Variants in SIPA1L1 observed in about 807,000 individuals in gnomAD.
The protein encoded by SIPA1L1 is signal-induced proliferation-associated 1-like protein 1.
A neutral mutation model predicts 162.7 loss-of-function variants in SIPA1L1; 26 were observed. That is an observed-to-expected ratio of 0.16 (90% CI 0.12 to 0.22). The LOEUF is 0.22. Among genes scored for constraint, SIPA1L1 ranks in the 10% least tolerant of loss-of-function variants. The pLI is 1.00. For missense variants in SIPA1L1, 1,874 were observed against 2,241.0 expected, an observed-to-expected ratio of 0.84 and a Z score of 3.31; for synonymous variants, 829 against 837.4, an observed-to-expected ratio of 0.99 and a Z score of 0.17.
chr14:71,551,668 C>G (rs138843705), intron 4 of SIPA1L1, among the ~76,000 whole-genome samples: 1 of 152,322 alleles, frequency 6.6e-6, no homozygotes, highest in Non-Finnish European at 1.5e-5. Context: ...TCATGTTGCT[C>G]TTAAAGTCCA....
intron 2 of SIPA1L1, among the ~76,000 whole-genome samples, chr14:71,502,995 C>A (rs1204416267): frequency 6.6e-6 from 1 of 152,128 alleles, no homozygotes; most frequent in East Asian, 1.9e-4. Context: ...GCATGTCCCC[C>A]CTTGCTGTAG....
intron 7 of SIPA1L1, among the ~76,000 whole-genome samples, chr14:71,629,582 T>C (rs1159449736): frequency 1.3e-5 from 2 of 152,232 alleles, no homozygotes; most frequent in Non-Finnish European, 2.9e-5. Context: ...GGAATGGGTC[T>C]GGTTTATAAA....
chr14:71,505,578 T>C (rs1040553654), intron 2 of SIPA1L1, among the ~76,000 whole-genome samples: 1 of 152,258 alleles, frequency 6.6e-6, no homozygotes, highest in East Asian at 1.9e-4. Context: ...ATAATACTTA[T>C]TTGAACTTTG....
rs115186258 is a variant in SIPA1L1, at chr14:71,324,390, T to A, written c.-465+3209T>A. ...CCATATTTAATTGCACTCGTTTCTT[T>A]TCTTTTTTTCCTACCTTAGAGCCTG... On this transcript the variant is annotated intron_variant, in intron 2 of 23. Transcript: ENST00000381232. Among the ~76,000 whole-genome samples the A allele has an allele frequency of 5.1e-3, 781 of 152,366 alleles. 6 individuals carry two copies. Among genetic ancestry groups the A allele is most frequent in the African/African-American group, 0.018 (734 of 41,578 alleles).
chr14:71,618,964 T>TAAATTTAATAGCACATGGTTACAGC, intron 6 of SIPA1L1, 77 bp downstream of exon 6: 2 of 1,462,764 alleles, frequency 1.4e-6, no homozygotes, highest in Non-Finnish European at 1.9e-6. Context: ...GCAAAGCAAT[T>TAAATTTAATAGCACATGGTTACAGC]AAATTTAATA....
intron 13 of SIPA1L1, among the ~76,000 whole-genome samples, chr14:71,689,491 G>T (rs1036820291): frequency 6.6e-6 from 1 of 152,120 alleles, no homozygotes; most frequent in Non-Finnish European, 1.5e-5. Flanking sequence ...AAAATTGCTG[G>T]CTGTGGCACG....
chr14:71,480,408 A>G (rs1325460171), intron 2 of SIPA1L1, among the ~76,000 whole-genome samples: 1 of 150,852 alleles, frequency 6.6e-6, no homozygotes, highest in Non-Finnish European at 1.5e-5. Context: ...TTTTTCACAA[A>G]TTGCACACAT....
rs551557823 is a variant in SIPA1L1 at position 71,539,931 on chromosome 14, C to T, written c.-303+10561C>T. Among the ~76,000 whole-genome samples, 3 of 152,344 alleles carry T rather than the reference C, an allele frequency of 2.0e-5. No homozygotes were observed. In the South Asian group the frequency reaches 6.2e-4, roughly 32 times the overall value. ...GCAACACCCTAAGGGTGAAGAGAAG[C>T]TGCCTGCCTCTGTGCAAGACATTAT... On this transcript the variant is annotated intron_variant, in intron 4 of 23. Coordinates refer to ENST00000381232, the MANE Select transcript of SIPA1L1 (RefSeq NM_001386936.1).
At chr14:71,389,246 A>C (rs2040566618) in intron 2 of SIPA1L1, among the ~76,000 whole-genome samples, 1 of 152,220 alleles carries the variant, frequency 6.6e-6, no homozygotes, top group African/African-American at 2.4e-5. Flanking sequence ...TGGAGAGAAG[A>C]GGGACCAGTG....
At position 71,705,349 on chromosome 14, in the gene SIPA1L1, A is replaced by C. The variant is rs752973557; in HGVS notation, c.3765+9A>C. ...CAAACAAACAAGGGCATGTAAGTTA[A>C]CTGTAAACTTAAAAAAGTATTAGAT... is the stretch of plus-strand genomic sequence containing the variant. On this transcript the variant is annotated intron_variant, in intron 16 of 23. Coordinates refer to ENST00000381232, the MANE Select transcript of SIPA1L1 (RefSeq NM_001386936.1). 9 of 1,585,116 alleles carry C rather than the reference A, an allele frequency of 5.7e-6. No homozygotes were observed. The highest frequency in any genetic ancestry group is 7.8e-6 in the Non-Finnish European group (9 of 1,153,694).
At chr14:71,582,866 A>G (rs1260504867) in intron 4 of SIPA1L1, among the ~76,000 whole-genome samples, 1 of 152,202 alleles carries the variant, frequency 6.6e-6, no homozygotes, top group Non-Finnish European at 1.5e-5. Flanking sequence ...TGATTCATAA[A>G]TCTTAAATTA....
At position 71,687,580 on chromosome 14, in the gene SIPA1L1, A is replaced by T. The variant is rs1317912209; in HGVS notation, c.3374+1949A>T. Among the ~76,000 whole-genome samples the T allele has an allele frequency of 2.6e-5, 4 of 152,256 alleles. No individual in the cohort carries two copies. The East Asian group carries it at 7.7e-4, about 29-fold the overall frequency. On this transcript the variant is annotated intron_variant, in intron 13 of 23. Coordinates refer to ENST00000381232, the MANE Select transcript of SIPA1L1 (RefSeq NM_001386936.1). The stretch of plus-strand genomic sequence containing the variant: ...TGTTGAATTTAATTTCTGCAACAGA[A>T]ACTAAAGCTCCTTGCCAGTCATACT...
rs1262959124 is a variant in SIPA1L1, at chr14:71,665,755, G to A, written c.2255+4288G>A. On this transcript the variant is annotated intron_variant, in intron 10 of 23. Coordinates refer to ENST00000381232, the MANE Select transcript of SIPA1L1 (RefSeq NM_001386936.1). ...ATTCCAAGACCCCCAGAGGATGCCC[G>A]AAACCATGGATAGTGCCTACCCCTA... Among the ~76,000 whole-genome samples the A allele has an allele frequency of 3.3e-5, 5 of 152,092 alleles. No individual in the cohort carries two copies. The East Asian group carries it at 5.8e-4, about 18-fold the overall frequency.
At chr14:71,360,181 A>G (rs1327366043) in intron 2 of SIPA1L1, among the ~76,000 whole-genome samples, 1 of 152,250 alleles carries the variant, frequency 6.6e-6, no homozygotes, top group Non-Finnish European at 1.5e-5. Flanking sequence ...AAAGCTTATA[A>G]TGTTCTAAAG....
intron 4 of SIPA1L1, among the ~76,000 whole-genome samples, chr14:71,540,518 G>A (rs191828653): frequency 1.3e-5 from 2 of 152,024 alleles, no homozygotes; most frequent in East Asian, 3.9e-4. Flanking sequence ...GCATCTCTAC[G>A]AAAAATAAAA....
At chr14:71,551,748 C>T (rs1194642825) in intron 4 of SIPA1L1, among the ~76,000 whole-genome samples, 1 of 152,132 alleles carries the variant, frequency 6.6e-6, no homozygotes, top group African/African-American at 2.4e-5. Context: ...TGGGTCATTT[C>T]CCTTTCCCCT....
intron 2 of SIPA1L1, among the ~76,000 whole-genome samples, chr14:71,445,813 A>C (rs1213272019): frequency 6.6e-6 from 1 of 152,196 alleles, no homozygotes; most frequent in Non-Finnish European, 1.5e-5. Flanking sequence ...CAGAATTGTT[A>C]ATTGAAACCA....
At chr14:71,475,031 A>C (rs549415259) in intron 2 of SIPA1L1, among the ~76,000 whole-genome samples, 1 of 152,328 alleles carries the variant, frequency 6.6e-6, no homozygotes, top group East Asian at 1.9e-4. Flanking sequence ...CATCTTAGGC[A>C]ACAGAAGGGA....
chr14:71,554,858 T>C (rs2146365848), intron 4 of SIPA1L1, among the ~76,000 whole-genome samples: 1 of 152,244 alleles, frequency 6.6e-6, no homozygotes, highest in East Asian at 1.9e-4. Flanking sequence ...GTCTTTTGAA[T>C]TGTTTCCTTA....
Sources: gnomAD v4.1 joint callset for allele counts (sites outside exome capture counted in the v4.1 genomes callset) on GRCh38, gnomAD v4.1.1 for gene constraint, MANE v1.5 for transcripts, NCBI Gene and HGNC (gene_info 2026-07-23, HGNC 2026-07-21) for gene names.